Variants in RPS6KA2 observed in about 807,000 individuals in gnomAD.
RPS6KA2 encodes the protein ribosomal protein S6 kinase A2.
A neutral mutation model predicts 91.8 loss-of-function variants in RPS6KA2; 42 were observed. The ratio of observed to expected loss-of-function variants is 0.46; its 90% CI spans 0.36 to 0.59. The LOEUF (loss-of-function observed/expected upper bound fraction) is 0.59, where lower values mean the gene tolerates loss of function less well. Among genes scored for constraint, RPS6KA2 ranks in the 20% least tolerant of loss-of-function variants. The pLI, the probability that RPS6KA2 is intolerant of heterozygous loss-of-function variation, is 0.00. For missense variants in RPS6KA2, 798 were observed against 978.5 expected, an observed-to-expected ratio of 0.82 and a Z score of 2.46; for synonymous variants, 414 against 393.6, an observed-to-expected ratio of 1.05 and a Z score of -0.61.
chr6:166,586,259 C>T, intron 1 of RPS6KA2: 11 of 1,596,512 alleles, frequency 6.9e-6, no homozygotes, highest in Non-Finnish European at 7.6e-6. Flanking sequence ...TGTCACTTGG[C>T]CACCCCCATC....
chr6:166,591,191 G>C (rs1318561599), intron 1 of RPS6KA2, among the ~76,000 whole-genome samples: 1 of 152,212 alleles, frequency 6.6e-6, no homozygotes, highest in African/African-American at 2.4e-5. Flanking sequence ...AGCGTGCAAG[G>C]ACTCAGCAAA....
intron 2 of RPS6KA2, among the ~76,000 whole-genome samples, chr6:166,642,409 G>A (rs562926492): frequency 1.7e-3 from 262 of 152,286 alleles, no homozygotes; most frequent in Non-Finnish European, 3.1e-3. Context: ...AGACACACAC[G>A]AGCTGCATGA....
intron 2 of RPS6KA2, among the ~76,000 whole-genome samples, chr6:166,693,738 GT>G: frequency 6.6e-6 from 1 of 152,314 alleles, no homozygotes; most frequent in East Asian, 1.9e-4. Context: ...TGTCCACTAG[GT>G]TTTTGTCCTG....
intron 10 of RPS6KA2, among the ~76,000 whole-genome samples, chr6:166,481,431 T>C (rs572776366): frequency 6.6e-6 from 1 of 152,388 alleles, no homozygotes; most frequent in East Asian, 1.9e-4. Flanking sequence ...ATTGAATTAA[T>C]AGATCTTAAA....
chr6:166,808,701 T>C (rs528455437), intron 2 of RPS6KA2, among the ~76,000 whole-genome samples: 9 of 152,240 alleles, frequency 5.9e-5, no homozygotes, highest in Non-Finnish European at 1.2e-4. Context: ...AAAGTTAAAG[T>C]ATTTAAGTAA....
intron 2 of RPS6KA2, among the ~76,000 whole-genome samples, chr6:166,796,578 T>C (rs928317910): frequency 6.3e-5 from 4 of 63,246 alleles, no homozygotes; most frequent in African/African-American, 1.3e-4. Flanking sequence ...ACAGAGACTC[T>C]GTCTTAAAAA....
intron 2 of RPS6KA2, among the ~76,000 whole-genome samples, chr6:166,688,700 C>T (rs908599353): frequency 6.6e-6 from 1 of 152,194 alleles, no homozygotes; most frequent in Non-Finnish European, 1.5e-5. Context: ...GCGTTGAAAC[C>T]GCAGTTGTGC....
chr6:166,640,818 G>A (rs1473913934), intron 2 of RPS6KA2, among the ~76,000 whole-genome samples: 1 of 148,526 alleles, frequency 6.7e-6, no homozygotes, highest in East Asian at 2.1e-4. Context: ...GCAGGGTGTG[G>A]GGGGTCGGAT....
In RPS6KA2 at chr6:166,852,983, T is replaced by C. The variant is rs1253707467; in HGVS notation, c.123+5217A>G. Among the ~76,000 whole-genome samples the C allele has an allele frequency of 6.6e-6, 1 of 151,902 alleles. No individual in the cohort carries two copies. The highest frequency in any genetic ancestry group is 1.5e-5 in the Non-Finnish European group (1 of 67,972). Reference sequence around the variant, plus strand: ...TCTGCTATGAAAAACAGAGTAAAATTTGAGAGGAAAGGGAAAGTACCCCCG... The same window carrying C: ...TCTGCTATGAAAAACAGAGTAAAATCTGAGAGGAAAGGGAAAGTACCCCCG... On this transcript the variant is annotated intron_variant, in intron 2 of 21. Coordinates refer to the RPS6KA2 transcript ENST00000503859. This position sits in a 1 kb window ranked among gnomAD's most constrained non-coding sequence, Gnocchi z 4.1.
chr6:166,515,905 T>C (rs1782628716), intron 3 of RPS6KA2, among the ~76,000 whole-genome samples: 1 of 152,214 alleles, frequency 6.6e-6, no homozygotes, highest in African/African-American at 2.4e-5. Context: ...TGCGACCATT[T>C]GTCTCTCATC....
chr6:166,665,050 A>G lies in RPS6KA2; in HGVS notation c.124-126266T>C, dbSNP rs770902387. Among the ~76,000 whole-genome samples, 19 of 152,156 alleles carry G rather than the reference A, an allele frequency of 1.2e-4. No homozygotes were observed. The highest frequency in any genetic ancestry group is 2.1e-4 in the Non-Finnish European group (14 of 68,028). On this transcript the variant is annotated intron_variant, in intron 2 of 21. Coordinates refer to the RPS6KA2 transcript ENST00000503859. The surrounding 1 kb of genome is among the most constrained non-coding windows in gnomAD (Gnocchi z 4.5). The stretch of plus-strand genomic sequence containing the variant: ...GCTTGAGCCCAGAAGTTGGAGACCA[A>G]CCTGGGCAAAATAGTGAGACCCCAT...
chr6:166,788,056 C>T (rs1778979144), intron 2 of RPS6KA2, among the ~76,000 whole-genome samples: 1 of 150,722 alleles, frequency 6.6e-6, no homozygotes, highest in Admixed American at 6.6e-5. Flanking sequence ...GACATTTATG[C>T]AGCCAACAGA....
chr6:166,419,745 T>C lies in RPS6KA2; in HGVS notation c.1820+137A>G. On this transcript the variant is annotated intron_variant, in intron 18 of 20. Transcript: ENST00000265678. This position sits in a 1 kb window ranked among gnomAD's most constrained non-coding sequence, Gnocchi z 5.6. The stretch of plus-strand genomic sequence containing the variant: ...AGTCTGCGAGTGTTCACTCAAGGCC[T>C]GGGAGTGTTTGCATACACGTTGGGT... The C allele has an allele frequency of 1.5e-6, 1 of 676,608 alleles. No homozygotes were observed. Among genetic ancestry groups the C allele is most frequent in the Admixed American group, 2.3e-5 (1 of 44,268 alleles). The allele number at this position is 676,608 out of a possible 1,614,324, so 41.9% of individuals were successfully genotyped here.
At chr6:166,681,933 C>T (rs893006253) in intron 2 of RPS6KA2, among the ~76,000 whole-genome samples, 11 of 152,116 alleles carry the variant, frequency 7.2e-5, no homozygotes, top group Non-Finnish European at 1.5e-4. Flanking sequence ...CACCACCCAC[C>T]ACCGCACTGT....
chr6:166,703,941 C>T (rs182293390), intron 2 of RPS6KA2, among the ~76,000 whole-genome samples: 51 of 152,284 alleles, frequency 3.3e-4, no homozygotes, highest in Admixed American at 1.0e-3. Flanking sequence ...TCTCAGGTAA[C>T]ATATTTTATA....
At chr6:166,712,022 C>T (rs781102775) in intron 2 of RPS6KA2, among the ~76,000 whole-genome samples, 3 of 152,178 alleles carry the variant, frequency 2.0e-5, no homozygotes, top group Non-Finnish European at 4.4e-5. Context: ...ATAATAAGGG[C>T]ACACTGTGAA....
At chr6:166,845,119 GACATT>G (rs1384415674) in intron 2 of RPS6KA2, among the ~76,000 whole-genome samples, 1 of 152,098 alleles carries the variant, frequency 6.6e-6, no homozygotes. Flanking sequence ...GACAAAGAAG[GACATT>G]ACATAATTAT....
At chr6:166,766,978 C>G (rs1283394415) in intron 2 of RPS6KA2, among the ~76,000 whole-genome samples, 1 of 152,180 alleles carries the variant, frequency 6.6e-6, no homozygotes, top group Non-Finnish European at 1.5e-5. Flanking sequence ...GTTTACAAGT[C>G]CAAAGAATGT....
chr6:166,593,472 T>C (rs1785422843), intron 1 of RPS6KA2, among the ~76,000 whole-genome samples: 1 of 152,180 alleles, frequency 6.6e-6, no homozygotes, highest in African/African-American at 2.4e-5. Context: ...CAGAGTAAAA[T>C]TATAATATAG....
Sources: allele counts gnomAD v4.1 joint callset (sites outside exome capture counted in the v4.1 genomes callset), GRCh38; gene constraint gnomAD v4.1.1; non-coding constraint Gnocchi (gnomAD v3.1); transcripts MANE v1.5; gene names NCBI Gene and HGNC (gene_info 2026-07-23, HGNC 2026-07-21).